Variants in ZNF420 observed in about 807,000 individuals in gnomAD.
ZNF420 encodes ATM and p53-associated KZNF protein.
A neutral mutation model predicts 44.7 loss-of-function variants in ZNF420; 31 were observed. That is an observed-to-expected ratio of 0.69 (90% CI 0.52 to 0.94). The LOEUF is 0.94. ZNF420 is among the 40% of genes least tolerant of loss of function. The probability of loss-of-function intolerance (pLI) is 0.00; values close to 1 mark genes in which losing one functional copy is unlikely to be tolerated. For synonymous variants in ZNF420, 245 were observed against 267.4 expected (o/e 0.92, Z 0.82); for missense variants, 681 against 827.9 (o/e 0.82, Z 2.18).
At chr19:37,080,828 G>A (rs533368530) in intron 2 of ZNF420, among the ~76,000 whole-genome samples, 193 of 152,004 alleles carry the variant, frequency 1.3e-3, no homozygotes, top group Non-Finnish European at 2.0e-3. Flanking sequence ...AGGCCGAGGC[G>A]GATGGAACGA....
intron 1 of ZNF420, among the ~76,000 whole-genome samples, chr19:37,019,224 A>G (rs2074628830): frequency 6.6e-6 from 1 of 152,222 alleles, no homozygotes. Context: ...TACTAAAAAT[A>G]CAAAAATTAT....
chr19:37,110,255 CCATAACG>C (rs1203963972), intron 4 of ZNF420, among the ~76,000 whole-genome samples: 2 of 152,164 alleles, frequency 1.3e-5, no homozygotes, highest in African/African-American at 4.8e-5. Context: ...CATCCATTTG[CCATAACG>C]CATTAGGACA....
At chr19:37,060,508 T>C (rs1199829904) in intron 1 of ZNF420, among the ~76,000 whole-genome samples, 2 of 152,146 alleles carry the variant, frequency 1.3e-5, no homozygotes, top group Non-Finnish European at 2.9e-5. Context: ...TAGATGCTTC[T>C]TGGTCTGGCT....
At chr19:37,016,377 G>A (rs960204215) in intron 1 of ZNF420, among the ~76,000 whole-genome samples, 1 of 152,212 alleles carries the variant, frequency 6.6e-6, no homozygotes, top group Admixed American at 6.5e-5. Context: ...GTAGTGATCC[G>A]GTGTGGGGTT....
chr19:37,010,617 C>T (rs2074562272), intron 1 of ZNF420, among the ~76,000 whole-genome samples: 1 of 151,954 alleles, frequency 6.6e-6, no homozygotes, highest in African/African-American at 2.4e-5. Context: ...GTGCCCTGTG[C>T]ATCAAAAAGC....
intron 1 of ZNF420, among the ~76,000 whole-genome samples, chr19:37,022,632 AATG>A (rs775233845): frequency 1.1e-4 from 16 of 152,236 alleles, no homozygotes; most frequent in Non-Finnish European, 2.4e-4. Flanking sequence ...TAGCACCCAT[AATG>A]ATATCACAAA....
At chr19:37,106,003 C>G (rs1970060672) in intron 4 of ZNF420, among the ~76,000 whole-genome samples, 1 of 152,172 alleles carries the variant, frequency 6.6e-6, no homozygotes, top group Non-Finnish European at 1.5e-5. Flanking sequence ...TTCCTCTTTT[C>G]CTAATTGAAT....
chr19:37,120,458 T>C (rs1192833526), intron 4 of ZNF420, among the ~76,000 whole-genome samples: 5 of 152,050 alleles, frequency 3.3e-5, no homozygotes, highest in Admixed American at 1.3e-4. Flanking sequence ...AAATTAGGTA[T>C]TGATGGGATG....
chr19:37,046,504 T>C (rs1329864040), intron 1 of ZNF420, among the ~76,000 whole-genome samples: 2 of 152,314 alleles, frequency 1.3e-5, no homozygotes, highest in South Asian at 4.1e-4. Flanking sequence ...CTGAATAATA[T>C]GTTATTTATG....
intron 1 of ZNF420, among the ~76,000 whole-genome samples, chr19:37,048,336 A>G (rs1568428997): frequency 1.3e-5 from 2 of 152,242 alleles, no homozygotes; most frequent in Non-Finnish European, 2.9e-5. Flanking sequence ...ACATTAATTC[A>G]TGATTATTTT....
intron 1 of ZNF420, among the ~76,000 whole-genome samples, chr19:37,017,393 G>A (rs2074615857): frequency 6.6e-6 from 1 of 152,176 alleles, no homozygotes; most frequent in African/African-American, 2.4e-5. Flanking sequence ...AGAGTGGCAT[G>A]AGTATAGAAG....
intron 2 of ZNF420, among the ~76,000 whole-genome samples, chr19:37,085,936 T>A (rs1296014258): frequency 7.3e-6 from 1 of 137,758 alleles, no homozygotes; most frequent in Non-Finnish European, 1.5e-5. Flanking sequence ...TGGCTGATGT[T>A]TTATTATTAT....
At chr19:37,107,707 CAG>C (rs1970172210) in intron 4 of ZNF420, 1 of 152,256 alleles carries the variant, frequency 6.6e-6, no homozygotes, top group South Asian at 2.1e-4. Context: ...TAACAACAGA[CAG>C]AACAGGCACA....
intron 1 of ZNF420, among the ~76,000 whole-genome samples, chr19:37,061,095 C>T (rs1967871788): frequency 6.6e-6 from 1 of 152,172 alleles, no homozygotes; most frequent in Non-Finnish European, 1.5e-5. Flanking sequence ...CTGTGCCCCC[C>T]TTCCTCCGGA....
chr19:37,089,181 T>G, intron 3 of ZNF420, 54 bp downstream of exon 3: 1 of 1,487,004 alleles, frequency 6.7e-7, no homozygotes, highest in Non-Finnish European at 9.4e-7. Flanking sequence ...AGAGCATGTG[T>G]GTGTTTGTAT....
chr19:37,110,814 A>G (rs1392196897), intron 4 of ZNF420, among the ~76,000 whole-genome samples: 1 of 152,208 alleles, frequency 6.6e-6, no homozygotes, highest in South Asian at 2.1e-4. Flanking sequence ...ATATACTGTC[A>G]GAGCATTTTC....
At chr19:37,090,552 A>G (rs1297772802) in intron 3 of ZNF420, among the ~76,000 whole-genome samples, 1 of 151,620 alleles carries the variant, frequency 6.6e-6, no homozygotes, top group Non-Finnish European at 1.5e-5. Flanking sequence ...ATAATCAGGA[A>G]CATATTTGTA....
chr19:37,109,620 TTTTC>T (rs780593066), intron 4 of ZNF420: 7 of 152,238 alleles, frequency 4.6e-5, no homozygotes, highest in Non-Finnish European at 8.8e-5. Context: ...GTGGAGGTGC[TTTTC>T]TTTGCATCTC....
At chr19:37,025,972 CT>C (rs559584739) in intron 1 of ZNF420, among the ~76,000 whole-genome samples, 10 of 151,924 alleles carry the variant, frequency 6.6e-5, no homozygotes, top group Middle Eastern at 3.4e-3. Context: ...GTAATTCATC[CT>C]TGATACTATT....
Sources: gnomAD v4.1 joint callset for allele counts (sites outside exome capture counted in the v4.1 genomes callset) on GRCh38, gnomAD v4.1.1 for gene constraint, MANE v1.5 for transcripts, NCBI Gene and HGNC (gene_info 2026-07-23, HGNC 2026-07-21) for gene names.